RDH12: variants seen among roughly 807,000 people sequenced by gnomAD.
RDH12 encodes retinol dehydrogenase 12.
In RDH12, 21 loss-of-function variants were observed where a neutral mutation model predicts 34.0. That is an observed-to-expected ratio of 0.62 (90% confidence interval 0.44 to 0.89). The LOEUF is 0.89. Among genes scored for constraint, RDH12 ranks in the 40% least tolerant of loss-of-function variants. The pLI, the probability that RDH12 is intolerant of heterozygous loss-of-function variation, is 0.00. For missense variants in RDH12, 394 were observed against 398.6 expected, an observed-to-expected ratio of 0.99 and a Z score of 0.10; for synonymous variants, 198 against 169.9, an observed-to-expected ratio of 1.17 and a Z score of -1.29.
chr14:67,728,258 TA>T (rs1157758072), intron 7 of RDH12: 2 of 152,176 alleles, frequency 1.3e-5, no homozygotes, highest in African/African-American at 4.8e-5. Flanking sequence ...AAATAAACAA[TA>T]ACTATTACAA....
chr14:67,718,686 C>T (rs1006301533), intron 1 of RDH12, among the ~76,000 whole-genome samples: 6 of 152,216 alleles, frequency 3.9e-5, no homozygotes, highest in Non-Finnish European at 7.3e-5. Flanking sequence ...TCATCTCTTT[C>T]TCTCTGTGAC....
rs532225661 is a variant in RDH12, at chr14:67,703,486, G to A, written c.-275+1551G>A. On this transcript the variant is annotated intron_variant, in intron 1 of 8. Coordinates refer to ENST00000551171, the MANE Select transcript of RDH12 (RefSeq NM_152443.3). ...AACAGTGAGCTTTATCTCAACACAAGTAGAAAAGTCAGTAGTTTCAAAGTA... is the reference window on the plus strand; with the variant it reads ...AACAGTGAGCTTTATCTCAACACAAATAGAAAAGTCAGTAGTTTCAAAGTA... Among the ~76,000 whole-genome samples, 3 of 152,204 alleles carry A rather than the reference G, an allele frequency of 2.0e-5. No individual in the cohort carries two copies. The South Asian group carries it at 6.2e-4, about 32-fold the overall frequency.
At chr14:67,725,341 A>G (rs2038172986) in intron 5 of RDH12, 87 bp downstream of exon 5, 3 of 1,376,740 alleles carry the variant, frequency 2.2e-6, no homozygotes, top group African/African-American at 2.9e-5. Context: ...CCCTTACATC[A>G]GAACCATCAT....
chr14:67,720,943 G>T (rs1430930848), intron 2 of RDH12, 41 bp downstream of exon 2: 3 of 152,188 alleles, frequency 2.0e-5, no homozygotes, highest in African/African-American at 7.2e-5. Flanking sequence ...TTAGATTTGA[G>T]TCAAGAAGTG....
intron 7 of RDH12, chr14:67,727,487 T>TTG: frequency 3.0e-6 from 1 of 329,330 alleles, no homozygotes; most frequent in Non-Finnish European, 5.8e-6. Context: ...TTTTTTTTGT[T>TTG]TTTTTTTTTT....
At chr14:67,710,459 C>T (rs1190019029) in intron 1 of RDH12, among the ~76,000 whole-genome samples, 2 of 152,148 alleles carry the variant, frequency 1.3e-5, no homozygotes, top group African/African-American at 4.8e-5. Context: ...CCTTTTGTGA[C>T]ATGCTTGGAC....
rs2038136512 is a variant in RDH12 at position 67,722,597 on chromosome 14, A to C, written c.-46A>C. On this transcript the variant is annotated 5_prime_UTR_variant, in exon 3 of 9. Coordinates refer to ENST00000551171, the MANE Select transcript of RDH12 (RefSeq NM_152443.3). ...GAACCTGAGCCAGAGCTGGGGTTGAAGCTGGAGCAGCAGCAAAAGCAACAG... is the reference window on the plus strand; with the variant it reads ...GAACCTGAGCCAGAGCTGGGGTTGACGCTGGAGCAGCAGCAAAAGCAACAG... 2 of 1,552,596 alleles carry C rather than the reference A, an allele frequency of 1.3e-6. No individual in the cohort carries two copies. The highest frequency in any genetic ancestry group is 2.2e-5 in the South Asian group (2 of 89,898).
Position 67,729,336 on chromosome 14 carries a change from C to T in RDH12, c.804C>T (p.Cys268=), listed in dbSNP as rs1289952536. 4 of 1,599,000 alleles carry T rather than the reference C, an allele frequency of 2.5e-6. No individual in the cohort carries two copies. The highest frequency in any genetic ancestry group is 3.4e-6 in the Non-Finnish European group (4 of 1,179,850). Residue 268 remains cysteine (C), a synonymous_variant, in exon 8 of 9, where the codon TGC becomes TGT. Coordinates refer to ENST00000551171, the MANE Select transcript of RDH12 (RefSeq NM_152443.3). The part of the protein sequence containing the change: ...AREGAQTSLH[C]ALAEGLEPLS... Reference sequence around the variant, plus strand: ...AGGGGGCGCAGACCAGCCTGCACTGCGCCCTGGCTGAGGGCCTGGAGCCCC... The same window carrying T: ...AGGGGGCGCAGACCAGCCTGCACTGTGCCCTGGCTGAGGGCCTGGAGCCCC...
In RDH12 at chr14:67,722,716, T is replaced by C. The variant is rs757501261; in HGVS notation, c.68+6T>C. The C allele has an allele frequency of 1.1e-5, 17 of 1,612,156 alleles. No individual in the cohort carries two copies. The African/African-American group carries it at 2.3e-4, about 22-fold the overall frequency. On this transcript the variant is annotated splice_donor_region_variant and intron_variant, in intron 3 of 8. Coordinates refer to ENST00000551171, the MANE Select transcript of RDH12 (RefSeq NM_152443.3). ...ATGGTAGCTCCATCCATCAGGTTTG[T>C]CTTAATTCAGCAACTCAAACAATCG...
chr14:67,708,167 G>A (rs908737549), intron 1 of RDH12, among the ~76,000 whole-genome samples: 25 of 152,162 alleles, frequency 1.6e-4, no homozygotes, highest in African/African-American at 5.5e-4. Context: ...GTATACTTTA[G>A]TCAATTGCTA....
At chr14:67,712,530 G>A (rs2038021473) in intron 1 of RDH12, among the ~76,000 whole-genome samples, 1 of 140,910 alleles carries the variant, frequency 7.1e-6, no homozygotes, top group Admixed American at 7.1e-5. Context: ...CAAGGTTTTG[G>A]GTGAGAAAAA....
At chr14:67,721,259 C>T (rs971822928) in intron 2 of RDH12, among the ~76,000 whole-genome samples, 9 of 152,104 alleles carry the variant, frequency 5.9e-5, no homozygotes, top group African/African-American at 1.4e-4. Flanking sequence ...GAACACAGAG[C>T]GAGGAAGGGC....
rs11331653 is a variant in RDH12 at position 67,724,392 on chromosome 14, GTT to G, written c.69-65_69-64del. 0.23 allele frequency: 157,067 copies of G among 669,436 alleles called. 8,147 individuals are homozygous for G. The highest frequency in any genetic ancestry group is 0.51 in the African/African-American group (27,086 of 53,344). 41.5% of individuals were successfully genotyped at this position (669,436 alleles called of 1,614,324 possible). A position where few individuals can be genotyped will look rare whatever the true frequency, so the allele number is the denominator to read the frequency against. ...ATACCCTTCTTTGAGGCTGGATAGA[GTT>G]TTTTTTTTTTTTTTTAACGTATCTT... On this transcript the variant is annotated intron_variant, in intron 3 of 8. Transcript: ENST00000551171.
At position 67,722,678 on chromosome 14, in the gene RDH12, C is replaced by T; in HGVS notation, c.36C>T (p.Phe12=). Residue 12 remains phenylalanine (F), a synonymous_variant, in exon 3 of 9, where the codon TTC becomes TTT. Transcript: ENST00000551171. ...LVTLGLLTSF[F]SFLYMVAPSI... ...CCTTGGGACTGCTCACCTCCTTCTT[C>T]TCGTTCCTGTATATGGTAGCTCCAT... 1 of 1,613,976 alleles carries T rather than the reference C, an allele frequency of 6.2e-7. No individual in the cohort carries two copies.
intron 1 of RDH12, among the ~76,000 whole-genome samples, chr14:67,711,642 T>C (rs1368590828): frequency 6.6e-6 from 1 of 152,196 alleles, no homozygotes; most frequent in Non-Finnish European, 1.5e-5. Flanking sequence ...ATCTTATAGA[T>C]TCATAAAGAC....
chr14:67,729,892 A>C (rs1165717276), intron 8 of RDH12: 1 of 445,532 alleles, frequency 2.2e-6, no homozygotes, highest in Non-Finnish European at 4.5e-6. Flanking sequence ...AGAGTCTGGG[A>C]GTAAAGGGAA....
intron 7 of RDH12, chr14:67,727,487 T>TG: frequency 3.0e-6 from 1 of 329,368 alleles, no homozygotes; most frequent in Non-Finnish European, 5.8e-6. Flanking sequence ...TTTTTTTTGT[T>TG]TTTTTTTTTT....
At chr14:67,731,597 A>G (rs1030393539) in intron 8 of RDH12, among the ~76,000 whole-genome samples, 7 of 151,940 alleles carry the variant, frequency 4.6e-5, no homozygotes, top group African/African-American at 1.7e-4. Flanking sequence ...AATAAAATAT[A>G]CAGTCATTAA....
chr14:67,712,514 A>AAAAAAAAAAAAAAT (rs2038020852), intron 1 of RDH12, among the ~76,000 whole-genome samples: 1 of 148,720 alleles, frequency 6.7e-6, no homozygotes, highest in African/African-American at 2.5e-5. Context: ...AAAAAAAAAA[A>AAAAAAAAAAAAAAT]AAAGACAAGG....
Sources: gnomAD v4.1 joint callset for allele counts (sites outside exome capture counted in the v4.1 genomes callset) on GRCh38, gnomAD v4.1.1 for gene constraint, MANE v1.5 for transcripts, NCBI Gene and HGNC (gene_info 2026-07-23, HGNC 2026-07-21) for gene names.